CSMD1: variants seen among roughly 807,000 people sequenced by gnomAD.
CSMD1 encodes CUB and Sushi multiple domains 1, also known as CUB and sushi domain-containing protein 1.
In CSMD1, 213 loss-of-function variants were observed where a neutral mutation model predicts 417.5. The ratio of observed to expected loss-of-function variants is 0.51; its 90% CI spans 0.46 to 0.57. The LOEUF is 0.57. CSMD1 is among the 20% of genes least tolerant of loss of function. CSMD1 has a pLI of 0.00. For synonymous variants in CSMD1, 2,862 were observed against 1,736.8 expected (o/e 1.65, Z -16.11); for missense variants, 6,923 against 4,529.7 (o/e 1.53, Z -15.17).
chr8:3,370,115 G>C (rs35454060), intron 18 of CSMD1, among the ~76,000 whole-genome samples: 1 of 152,014 alleles, frequency 6.6e-6, no homozygotes, highest in Non-Finnish European at 1.5e-5. Flanking sequence ...AGTTGCTAAC[G>C]GGAATTCAAT....
chr8:4,238,535 G>C (rs1585077228), intron 3 of CSMD1, among the ~76,000 whole-genome samples: 3 of 152,172 alleles, frequency 2.0e-5, no homozygotes, highest in South Asian at 2.1e-4. Flanking sequence ...AGACAGGCTT[G>C]AGGTTGATTC....
At chr8:4,904,748 CA>C (rs1805124369) in intron 1 of CSMD1, among the ~76,000 whole-genome samples, 1 of 152,216 alleles carries the variant, frequency 6.6e-6, no homozygotes, top group South Asian at 2.1e-4. Flanking sequence ...ATTAAAAAAA[CA>C]AAAACACCTT....
intron 1 of CSMD1, among the ~76,000 whole-genome samples, chr8:4,753,685 T>G (rs1187783029): frequency 6.6e-6 from 1 of 152,190 alleles, no homozygotes; most frequent in Admixed American, 6.5e-5. Context: ...CTGGTGTCTC[T>G]TCTGACCTTC....
chr8:2,960,006 G>C (rs1323136901), intron 62 of CSMD1, among the ~76,000 whole-genome samples: 1 of 152,140 alleles, frequency 6.6e-6, no homozygotes, highest in Non-Finnish European at 1.5e-5. Context: ...CATATGATAG[G>C]TTATAGAACT....
chr8:4,089,885 C>G (rs1357563535), intron 3 of CSMD1, among the ~76,000 whole-genome samples: 2 of 152,072 alleles, frequency 1.3e-5, no homozygotes, highest in African/African-American at 2.4e-5. Flanking sequence ...ACCTGCAGAG[C>G]TGTGGGGTCA....
At chr8:3,734,552 A>G (rs1796430882) in intron 6 of CSMD1, among the ~76,000 whole-genome samples, 1 of 152,174 alleles carries the variant, frequency 6.6e-6, no homozygotes, top group East Asian at 1.9e-4. Flanking sequence ...CTCTACTAAA[A>G]ATACCCAAAA....
chr8:3,326,734 G>C (rs769215879), intron 23 of CSMD1, among the ~76,000 whole-genome samples: 1 of 152,138 alleles, frequency 6.6e-6, no homozygotes, highest in African/African-American at 2.4e-5. Flanking sequence ...TATTGGAATT[G>C]CTTAGACTGC....
intron 16 of CSMD1, 121 bp downstream of exon 16, chr8:3,399,270 G>A: frequency 1.2e-6 from 1 of 816,824 alleles, no homozygotes; most frequent in Non-Finnish European, 1.9e-6. Context: ...TTCTGGTAAA[G>A]TGTGCTCCTA....
At position 3,230,047 on chromosome 8, in the gene CSMD1, T is replaced by C. The variant is rs113486848; in HGVS notation, c.4338A>G (p.Thr1446=). 5.0e-5 allele frequency: 80 copies of C among 1,601,854 alleles called. 1 individual carries two copies. Among genetic ancestry groups the C allele is most frequent in the South Asian group, 4.8e-4 (43 of 89,446 alleles). ...NRFFWQPDPP[T]CIAACGGNLT... ...AGTTCTGTTGTCTGATACCTATGCA[T>C]GTAGGAGGGTCTGGTTGCCAAAAGA... Residue 1446 remains threonine (T), a synonymous_variant, in exon 27 of 70, where the codon ACA becomes ACG. Coordinates refer to ENST00000635120, the MANE Select transcript of CSMD1 (RefSeq NM_033225.6).
intron 6 of CSMD1, among the ~76,000 whole-genome samples, chr8:3,726,906 T>C (rs576488076): frequency 6.6e-6 from 1 of 152,220 alleles, no homozygotes; most frequent in Non-Finnish European, 1.5e-5. Context: ...GAAATATCTG[T>C]TTAGCATCAT....
chr8:4,767,692 C>G (rs28373088), intron 1 of CSMD1, among the ~76,000 whole-genome samples: 2,002 of 152,290 alleles, frequency 0.013, 29 homozygotes, highest in African/African-American at 0.046. Context: ...TGAAAGCATT[C>G]ACAGGTACCC....
intron 5 of CSMD1, among the ~76,000 whole-genome samples, chr8:3,961,448 C>G (rs981966315): frequency 6.6e-6 from 1 of 152,122 alleles, no homozygotes; most frequent in African/African-American, 2.4e-5. Context: ...ATCTTTGACA[C>G]AGATTTAAAT....
chr8:3,629,114 G>C (rs913981001), intron 7 of CSMD1, among the ~76,000 whole-genome samples: 1 of 152,102 alleles, frequency 6.6e-6, no homozygotes, highest in African/African-American at 2.4e-5. Context: ...GTGCAGAGGA[G>C]ACACCTCAGG....
chr8:4,124,898 G>A (rs563006313), intron 3 of CSMD1, among the ~76,000 whole-genome samples: 38 of 152,292 alleles, frequency 2.5e-4, no homozygotes, highest in African/African-American at 7.5e-4. Flanking sequence ...GGGGTTATAA[G>A]GAGATATAAG....
intron 3 of CSMD1, among the ~76,000 whole-genome samples, chr8:4,394,030 A>C (rs1425603335): frequency 2.6e-5 from 4 of 152,130 alleles, no homozygotes; most frequent in Admixed American, 2.6e-4. Context: ...TTCAAAGAAC[A>C]CCTCAGTGAA....
At chr8:4,375,339 G>C (rs1420874232) in intron 3 of CSMD1, among the ~76,000 whole-genome samples, 2 of 152,080 alleles carry the variant, frequency 1.3e-5, no homozygotes, top group Non-Finnish European at 2.9e-5. Flanking sequence ...TCAGGAGGGT[G>C]ATCATCCTAT....
At chr8:4,495,285 T>C (rs1156657015) in intron 2 of CSMD1, among the ~76,000 whole-genome samples, 1 of 152,128 alleles carries the variant, frequency 6.6e-6, no homozygotes, top group African/African-American at 2.4e-5. Flanking sequence ...TAATACAAAA[T>C]GATTTCTCAG....
intron 3 of CSMD1, among the ~76,000 whole-genome samples, chr8:4,212,208 A>G (rs1024320406): frequency 2.7e-5 from 4 of 149,530 alleles, no homozygotes; most frequent in African/African-American, 9.9e-5. Context: ...TTTTCTCTCC[A>G]TGTTGTTTTA....
At chr8:4,317,976 T>C (rs1458416035) in intron 3 of CSMD1, among the ~76,000 whole-genome samples, 1 of 152,194 alleles carries the variant, frequency 6.6e-6, no homozygotes, top group East Asian at 1.9e-4. Flanking sequence ...TATTTTATAA[T>C]AGTTATTGAA....
Sources: allele counts gnomAD v4.1 joint callset (sites outside exome capture counted in the v4.1 genomes callset), GRCh38; gene constraint gnomAD v4.1.1; transcripts MANE v1.5; gene names NCBI Gene and HGNC (gene_info 2026-07-23, HGNC 2026-07-21).